PRKAR2B: variants seen among roughly 807,000 people sequenced by gnomAD.
PRKAR2B encodes the protein cAMP-dependent protein kinase type II-beta regulatory subunit.
PRKAR2B carries 14 observed loss-of-function variants against 49.9 expected under a neutral mutation model. That is an observed-to-expected ratio of 0.28 (90% CI 0.19 to 0.44). PRKAR2B has a LOEUF of 0.44. PRKAR2B is among the 20% of genes least tolerant of loss of function. The pLI is 1.00. For missense variants in PRKAR2B, 393 were observed against 537.9 expected, an observed-to-expected ratio of 0.73 and a Z score of 2.67; for synonymous variants, 196 against 197.7, an observed-to-expected ratio of 0.99 and a Z score of 0.07.
chr7:107,152,455 C>T (rs1796004732), intron 7 of PRKAR2B, among the ~76,000 whole-genome samples: 1 of 152,170 alleles, frequency 6.6e-6, no homozygotes, highest in South Asian at 2.1e-4. Context: ...GAGGTCTTCT[C>T]AATGAGACCA....
intron 4 of PRKAR2B, among the ~76,000 whole-genome samples, chr7:107,131,262 G>A (rs1352179376): frequency 6.6e-6 from 1 of 152,188 alleles, no homozygotes; most frequent in Non-Finnish European, 1.5e-5. Flanking sequence ...ATAAATCGTT[G>A]CTAATTATGC....
chr7:107,052,374 C>T (rs1351907393), intron 1 of PRKAR2B, among the ~76,000 whole-genome samples: 3 of 152,036 alleles, frequency 2.0e-5, no homozygotes, highest in African/African-American at 4.8e-5. Context: ...GCCGAGATTG[C>T]GCCACTGCAC....
At chr7:107,140,674 A>G (rs1795775751) in intron 4 of PRKAR2B, among the ~76,000 whole-genome samples, 173 bp from the exon 5 acceptor site, 1 of 152,200 alleles carries the variant, frequency 6.6e-6, no homozygotes, top group Non-Finnish European at 1.5e-5. Flanking sequence ...GTATATAATC[A>G]TCTTATTTGT....
At chr7:107,060,693 T>C (rs563324493) in intron 1 of PRKAR2B, among the ~76,000 whole-genome samples, 8 of 143,154 alleles carry the variant, frequency 5.6e-5, no homozygotes, top group African/African-American at 1.5e-4. Flanking sequence ...GCAATAGTCA[T>C]TGAAAAAAAT....
At chr7:107,109,911 A>G (rs1188217986) in intron 2 of PRKAR2B, among the ~76,000 whole-genome samples, 3 of 152,168 alleles carry the variant, frequency 2.0e-5, no homozygotes, top group Admixed American at 1.3e-4. Flanking sequence ...GAAGGACATT[A>G]TTGAACAACT....
chr7:107,058,222 A>G (rs1290372538), intron 1 of PRKAR2B, among the ~76,000 whole-genome samples: 5 of 152,174 alleles, frequency 3.3e-5, no homozygotes, highest in Non-Finnish European at 5.9e-5. Flanking sequence ...TTTTTGAACA[A>G]TTTAGGAACC....
intron 2 of PRKAR2B, among the ~76,000 whole-genome samples, chr7:107,110,360 GC>G (rs2116823353): frequency 6.6e-6 from 1 of 152,144 alleles, no homozygotes; most frequent in East Asian, 1.9e-4. Flanking sequence ...GAACTCCTAG[GC>G]AAATCCTAGT....
At chr7:107,122,100 A>G (rs1250229879) in intron 3 of PRKAR2B, 96 bp downstream of exon 3, 1 of 729,680 alleles carries the variant, frequency 1.4e-6, no homozygotes, top group African/African-American at 1.8e-5. Context: ...ATGTAGGTTA[A>G]CAGGAGACAT....
intron 2 of PRKAR2B, among the ~76,000 whole-genome samples, chr7:107,105,109 G>T (rs1285960040): frequency 6.6e-6 from 1 of 152,094 alleles, no homozygotes; most frequent in Non-Finnish European, 1.5e-5. Flanking sequence ...AAAAATTATT[G>T]TTTTTTTCCG....
At chr7:107,149,428 A>G (rs1013736558) in intron 6 of PRKAR2B, among the ~76,000 whole-genome samples, 1 of 152,102 alleles carries the variant, frequency 6.6e-6, no homozygotes, top group Admixed American at 6.6e-5. Context: ...TCCAAGATCA[A>G]GGCACCAGAA....
chr7:107,094,147 A>G lies in PRKAR2B; in HGVS notation c.343+23831A>G, dbSNP rs538650783. On this transcript the variant is annotated intron_variant, in intron 2 of 10. Transcript: ENST00000265717. The stretch of plus-strand genomic sequence containing the variant: ...CCACCAACAGTGTAAAAGTGTTCCT[A>G]TTTCTTCACATCCTCTCCAGCACCT... 1.3e-4 allele frequency among the ~76,000 whole-genome samples: 20 copies of G among 152,272 alleles called. 1 individual carries two copies. The East Asian group carries it at 3.5e-3, about 26-fold the overall frequency.
chr7:107,088,691 T>C (rs1794665953), intron 2 of PRKAR2B, among the ~76,000 whole-genome samples: 1 of 152,098 alleles, frequency 6.6e-6, no homozygotes, highest in Non-Finnish European at 1.5e-5. Context: ...TCTCCTCTTC[T>C]CGGGTTCAGA....
At chr7:107,054,066 A>G (rs185216983) in intron 1 of PRKAR2B, among the ~76,000 whole-genome samples, 30 of 152,290 alleles carry the variant, frequency 2.0e-4, no homozygotes, top group African/African-American at 7.2e-4. Context: ...AAAACACAGT[A>G]GGCCGTGTGT....
At chr7:107,050,208 T>G (rs1793774715) in intron 1 of PRKAR2B, among the ~76,000 whole-genome samples, 1 of 152,116 alleles carries the variant, frequency 6.6e-6, no homozygotes, top group Admixed American at 6.5e-5. Context: ...AAGGCTTGCT[T>G]GAGTAACTTA....
At chr7:107,094,568 A>G (rs547058540) in intron 2 of PRKAR2B, among the ~76,000 whole-genome samples, 11 of 152,306 alleles carry the variant, frequency 7.2e-5, no homozygotes, top group Non-Finnish European at 1.5e-4. Context: ...TGTTTTAGTC[A>G]TGAAATCTTT....
At chr7:107,084,978 A>G (rs572785862) in intron 2 of PRKAR2B, among the ~76,000 whole-genome samples, 1 of 152,186 alleles carries the variant, frequency 6.6e-6, no homozygotes, top group South Asian at 2.1e-4. Flanking sequence ...GTACAGGTAT[A>G]TACGTAAGGG....
chr7:107,132,838 A>G (rs1475969124), intron 4 of PRKAR2B, among the ~76,000 whole-genome samples: 1 of 152,138 alleles, frequency 6.6e-6, no homozygotes, highest in African/African-American at 2.4e-5. Flanking sequence ...GACTTCAGAA[A>G]ATTTTTCCTT....
rs1402828493 is a variant in PRKAR2B, at chr7:107,146,473, A to G, written c.741+12A>G. The G allele has an allele frequency of 1.9e-6, 3 of 1,609,396 alleles. No homozygotes were observed. The highest frequency in any genetic ancestry group is 4.5e-5 in the East Asian group (2 of 44,796). On this transcript the variant is annotated intron_variant, in intron 6 of 10. Coordinates refer to ENST00000265717, the MANE Select transcript of PRKAR2B (RefSeq NM_002736.3). ...CTCTGTGGGGTTTGGTGAGTAAAAT[A>G]CTTATTTGACCTGAATGTTATGATT...
intron 2 of PRKAR2B, among the ~76,000 whole-genome samples, chr7:107,098,793 G>C (rs10260436): frequency 0.031 from 4,659 of 152,266 alleles, 239 homozygotes; most frequent in African/African-American, 0.1. Context: ...TCCAGACCCT[G>C]TTTTCCTGGG....
Sources: gnomAD v4.1 joint callset for allele counts (sites outside exome capture counted in the v4.1 genomes callset) on GRCh38, gnomAD v4.1.1 for gene constraint, MANE v1.5 for transcripts, NCBI Gene and HGNC (gene_info 2026-07-23, HGNC 2026-07-21) for gene names.